Variants in HECTD2 observed in about 807,000 individuals in gnomAD.
HECTD2 encodes probable E3 ubiquitin-protein ligase HECTD2.
HECTD2 carries 35 observed loss-of-function variants against 103.2 expected under a neutral mutation model. That is an observed-to-expected ratio of 0.34 (90% CI 0.26 to 0.45). HECTD2 has a LOEUF of 0.45. HECTD2 is among the 20% of genes least tolerant of loss of function. The pLI is 1.00. For synonymous variants in HECTD2, 281 were observed against 329.9 expected (o/e 0.85, Z 1.61); for missense variants, 596 against 937.4 (o/e 0.64, Z 4.76).
At chr10:91,435,095 A>G (rs1844059050) in intron 2 of HECTD2, among the ~76,000 whole-genome samples, 2 of 151,944 alleles carry the variant, frequency 1.3e-5, no homozygotes, top group African/African-American at 4.8e-5. Context: ...AACATTTTAT[A>G]CATTTTAATA....
intron 2 of HECTD2, among the ~76,000 whole-genome samples, chr10:91,451,522 T>TA (rs1002798930): frequency 1.3e-3 from 190 of 146,690 alleles, no homozygotes; most frequent in African/African-American, 3.8e-3. Context: ...AGTATAATAA[T>TA]AAAAAAAAAA....
At chr10:91,431,916 C>G (rs1369853680) in intron 2 of HECTD2, among the ~76,000 whole-genome samples, 1 of 152,056 alleles carries the variant, frequency 6.6e-6, no homozygotes, top group Admixed American at 6.6e-5. Context: ...TGTTCCATTA[C>G]TGGTGAGGAA....
At chr10:91,433,580 C>G (rs577355882) in intron 2 of HECTD2, among the ~76,000 whole-genome samples, 16 of 152,028 alleles carry the variant, frequency 1.1e-4, no homozygotes, top group Admixed American at 7.2e-4. Context: ...GATTTATTTA[C>G]TCAGATTCCT....
chr10:91,421,682 C>T (rs1426577453), intron 1 of HECTD2, among the ~76,000 whole-genome samples: 5 of 152,118 alleles, frequency 3.3e-5, no homozygotes, highest in South Asian at 2.1e-4. Flanking sequence ...TTTCATCATG[C>T]GAAGCATACT....
At chr10:91,486,814 T>G (rs1005254196) in intron 10 of HECTD2, 2 of 152,112 alleles carry the variant, frequency 1.3e-5, no homozygotes, top group African/African-American at 2.4e-5. Flanking sequence ...ATTAACAATT[T>G]TGTCCCATGG....
At chr10:91,496,950 T>C (rs992094370) in intron 15 of HECTD2, among the ~76,000 whole-genome samples, 2 of 150,608 alleles carry the variant, frequency 1.3e-5, no homozygotes, top group African/African-American at 4.9e-5. Flanking sequence ...TATAATATAA[T>C]GTAAGAAAAT....
intron 1 of HECTD2, among the ~76,000 whole-genome samples, chr10:91,415,987 CTT>C (rs1422538368): frequency 7.1e-6 from 1 of 140,138 alleles, no homozygotes; most frequent in Non-Finnish European, 1.5e-5. Flanking sequence ...TGTAAAGTCT[CTT>C]TGTCAACTTT....
At chr10:91,484,403 T>C (rs923201414) in intron 8 of HECTD2, 104 bp from the exon 9 acceptor site, 11 of 1,444,100 alleles carry the variant, frequency 7.6e-6, no homozygotes, top group African/African-American at 5.7e-5. Flanking sequence ...TTTGGGGGAA[T>C]AGTCTAAAAT....
intron 20 of HECTD2, among the ~76,000 whole-genome samples, chr10:91,503,461 T>C (rs987503925): frequency 1.3e-5 from 2 of 152,204 alleles, no homozygotes; most frequent in Admixed American, 1.3e-4. Context: ...ATTGCCTCAC[T>C]CGGGAAGCGC....
chr10:91,510,032 GA>G (rs1397729983), intron 20 of HECTD2, among the ~76,000 whole-genome samples: 7 of 152,124 alleles, frequency 4.6e-5, no homozygotes, highest in African/African-American at 1.7e-4. Flanking sequence ...TAGTATCAGT[GA>G]AAAGGGCCAA....
intron 2 of HECTD2, among the ~76,000 whole-genome samples, chr10:91,438,539 CAT>C (rs58916172): frequency 0.2 from 30,518 of 151,890 alleles, 7,223 homozygotes; most frequent in African/African-American, 0.58. Context: ...CTGTAATAAA[CAT>C]GTGTGTGTGT....
chr10:91,495,751 A>T (rs966234025), intron 14 of HECTD2, among the ~76,000 whole-genome samples: 1 of 152,050 alleles, frequency 6.6e-6, no homozygotes, highest in Non-Finnish European at 1.5e-5. Context: ...ATGTTTATTC[A>T]GTTTAGCTCT....
chr10:91,453,001 G>A lies in HECTD2; in HGVS notation c.269-7426G>A, dbSNP rs199567769. On this transcript the variant is annotated intron_variant, in intron 2 of 20. Transcript: ENST00000298068. ...GGAAACTTGAGATGTGAGGAAAGGG[G>A]AAAGAAGGTGATAAACAGAAGTATT... Among the ~76,000 whole-genome samples the A allele has an allele frequency of 2.0e-5, 3 of 152,236 alleles. No homozygotes were observed. In the East Asian group the frequency reaches 5.8e-4, roughly 29 times the overall value.
intron 15 of HECTD2, among the ~76,000 whole-genome samples, chr10:91,497,602 C>T (rs1846736942): frequency 6.6e-6 from 1 of 151,946 alleles, no homozygotes; most frequent in Admixed American, 6.6e-5. Flanking sequence ...AGCCACCGTG[C>T]CCGGCTAACC....
intron 8 of HECTD2, chr10:91,484,038 C>A: frequency 3.5e-6 from 1 of 282,596 alleles, no homozygotes. Flanking sequence ...AAACATGAAG[C>A]TAAATGGATT....
chr10:91,512,248 T>A lies in HECTD2; in HGVS notation c.2211-16T>A, dbSNP rs376302309. The A allele has an allele frequency of 2.4e-5, 38 of 1,606,210 alleles. No individual in the cohort carries two copies. The highest frequency in any genetic ancestry group is 2.2e-4 in the African/African-American group (16 of 74,264). Reference sequence around the variant, plus strand: ...TGTTTCAAGACTTAGTATTTTTTTTTAATTTTTTTCCCTAGCTTACCTGTG... The same window carrying A: ...TGTTTCAAGACTTAGTATTTTTTTTAAATTTTTTTCCCTAGCTTACCTGTG... On this transcript the variant is annotated splice_polypyrimidine_tract_variant and intron_variant, in intron 20 of 20. Coordinates refer to ENST00000298068, the MANE Select transcript of HECTD2 (RefSeq NM_182765.6).
chr10:91,425,513 C>T (rs1331694721), intron 2 of HECTD2, 103 bp downstream of exon 2: 67 of 804,258 alleles, frequency 8.3e-5, no homozygotes, highest in Non-Finnish European at 1.1e-4. Flanking sequence ...CTAGTTAATA[C>T]AACAAAAAGA....
chr10:91,456,824 G>T (rs763085497), intron 2 of HECTD2, among the ~76,000 whole-genome samples: 1 of 152,014 alleles, frequency 6.6e-6, no homozygotes, highest in South Asian at 2.1e-4. Flanking sequence ...AAAATCAACC[G>T]AAAGCAAGCA....
intron 2 of HECTD2, among the ~76,000 whole-genome samples, chr10:91,451,469 T>C (rs1844824452): frequency 6.6e-6 from 1 of 151,972 alleles, no homozygotes; most frequent in African/African-American, 2.4e-5. Context: ...TGTATACCTA[T>C]GTAACAAACC....
Sources: gnomAD v4.1 joint callset for allele counts (sites outside exome capture counted in the v4.1 genomes callset) on GRCh38, gnomAD v4.1.1 for gene constraint, MANE v1.5 for transcripts, NCBI Gene and HGNC (gene_info 2026-07-23, HGNC 2026-07-21) for gene names.